NFATC2: variants seen among roughly 807,000 people sequenced by gnomAD.
NFATC2 encodes the protein nuclear factor of activated T-cells, cytoplasmic 2.
Under a neutral mutation model 87.3 loss-of-function variants are expected in NFATC2, and 22 were observed. The observed-to-expected ratio is 0.25, with a 90% CI of 0.18 to 0.36. NFATC2 has a LOEUF of 0.36. Among genes scored for constraint, NFATC2 ranks in the 10% least tolerant of loss-of-function variants. The pLI is 1.00. For missense variants in NFATC2, 1,149 were observed against 1,259.1 expected (o/e 0.91, Z 1.32); for synonymous variants, 565 against 542.2 (o/e 1.04, Z -0.58).
At position 51,425,297 on chromosome 20, in the gene NFATC2, G is replaced by A. The variant is rs149120501; in HGVS notation, c.2722+6770C>T. Among the ~76,000 whole-genome samples, 601 of 152,318 alleles carry A rather than the reference G, an allele frequency of 3.9e-3. 2 individuals carry two copies. Among genetic ancestry groups the A allele is most frequent in the African/African-American group, 0.013 (560 of 41,576 alleles). ...GGACGCTGGCAAAAGCCCTCCCAAC[G>A]GGGGCCTGGCCTTTTATTGGTGTCG... On this transcript the variant is annotated intron_variant, in intron 9 of 10. Transcript: ENST00000371564.
intron 3 of NFATC2, among the ~76,000 whole-genome samples, chr20:51,495,504 G>A (rs2075974016): frequency 6.6e-6 from 1 of 152,258 alleles, no homozygotes; most frequent in South Asian, 2.1e-4. Flanking sequence ...ATGCCCAAGA[G>A]AGAACTTGTT....
At chr20:51,562,786 C>A, upstream of NFATC2, 1 of 607,672 alleles carries the variant, frequency 1.6e-6, no homozygotes, top group Non-Finnish European at 2.8e-6. This position sits in a 1 kb window ranked among gnomAD's most constrained non-coding sequence, Gnocchi z 5.8. Context: ...TCCCGGCTCC[C>A]GGCTCGGCGG....
At position 51,439,705 on chromosome 20, in the gene NFATC2, C is replaced by T. The variant is rs183953930; in HGVS notation, c.1850-3944G>A. Among the ~76,000 whole-genome samples the T allele has an allele frequency of 7.2e-5, 11 of 152,318 alleles. No homozygotes were observed. In the East Asian group the frequency reaches 2.1e-3, roughly 29 times the overall value. On this transcript the variant is annotated intron_variant, in intron 6 of 10. Transcript: ENST00000371564. ...GAGCCTTCCTGGCCATGTCCTGCGG[C>T]CACAACCAACTTCTGTCACCCCAGT...
chr20:51,561,805 C>T (rs2077035769), intron 1 of NFATC2, among the ~76,000 whole-genome samples: 1 of 152,134 alleles, frequency 6.6e-6, no homozygotes, highest in Non-Finnish European at 1.5e-5. Context: ...TATTGTGGAG[C>T]CAAAGCCCCT....
rs575075129 is a variant in NFATC2 at position 51,425,079 on chromosome 20, G to A, written c.2722+6988C>T. ...AAATTGTCTTAAAAGGCTCCTGGCTGGGGGTGGGGGGTTGGTAATAATGAA... is the reference window on the plus strand; with the variant it reads ...AAATTGTCTTAAAAGGCTCCTGGCTAGGGGTGGGGGGTTGGTAATAATGAA... On this transcript the variant is annotated intron_variant, in intron 9 of 10. Coordinates refer to ENST00000371564, the MANE Select transcript of NFATC2 (RefSeq NM_012340.5). Among the ~76,000 whole-genome samples, 14 of 152,214 alleles carry A rather than the reference G, an allele frequency of 9.2e-5. No individual in the cohort carries two copies. The South Asian group carries it at 2.9e-3, about 32-fold the overall frequency.
chr20:51,510,700 C>T (rs2146669518), intron 3 of NFATC2, among the ~76,000 whole-genome samples: 1 of 152,332 alleles, frequency 6.6e-6, no homozygotes, highest in South Asian at 2.1e-4. Flanking sequence ...CAGCGGACTG[C>T]CGCCCTGAAC....
chr20:51,497,127 C>T (rs2076001852), intron 3 of NFATC2, among the ~76,000 whole-genome samples: 1 of 152,180 alleles, frequency 6.6e-6, no homozygotes, highest in South Asian at 2.1e-4. Flanking sequence ...GGGACTAGCA[C>T]CCAGGTTACT....
At position 51,387,729 on chromosome 20, in the gene NFATC2, C is replaced by T. The variant is rs1432511731; in HGVS notation, c.*3767G>A. 1 of 152,148 alleles carries T rather than the reference C, an allele frequency of 6.6e-6. No individual in the cohort carries two copies. The highest frequency in any genetic ancestry group is 2.4e-5 in the African/African-American group (1 of 41,426). The allele number at this position is 152,148 out of a possible 1,614,324, so 9.4% of individuals were successfully genotyped here. The stretch of plus-strand genomic sequence containing the variant: ...TGCGCTGGGTCACCGAGCACCTTGC[C>T]TCCGGGAAACAAGTTCGGGAAAGGT... On this transcript the variant is annotated 3_prime_UTR_variant, in exon 11 of 11. Coordinates refer to ENST00000371564, the MANE Select transcript of NFATC2 (RefSeq NM_012340.5).
At chr20:51,487,615 G>C (rs933537942) in intron 3 of NFATC2, among the ~76,000 whole-genome samples, 1 of 152,212 alleles carries the variant, frequency 6.6e-6, no homozygotes, top group Admixed American at 6.5e-5. Context: ...TACAGCCACA[G>C]CTGAAAAAGA....
chr20:51,514,364 C>A, intron 3 of NFATC2, among the ~76,000 whole-genome samples: 1 of 152,222 alleles, frequency 6.6e-6, no homozygotes, highest in East Asian at 1.9e-4. Flanking sequence ...CAGATTCATT[C>A]TCCAAGTATT....
At chr20:51,535,309 C>T (rs1462467843) in intron 1 of NFATC2, among the ~76,000 whole-genome samples, 1 of 152,216 alleles carries the variant, frequency 6.6e-6, no homozygotes, top group African/African-American at 2.4e-5. Context: ...TCTCTCCGAC[C>T]AGCCACCTCT....
At chr20:51,541,093 C>T (rs2076809157) in intron 1 of NFATC2, among the ~76,000 whole-genome samples, 1 of 152,216 alleles carries the variant, frequency 6.6e-6, no homozygotes, top group South Asian at 2.1e-4. Context: ...GAAGAGGATA[C>T]CCAAAGCTAA....
intron 9 of NFATC2, among the ~76,000 whole-genome samples, chr20:51,426,882 T>C (rs1981914503): frequency 6.6e-6 from 1 of 151,980 alleles, no homozygotes; most frequent in Non-Finnish European, 1.5e-5. Context: ...ACTACTGATT[T>C]CTGAATGTGC....
At position 51,473,781 on chromosome 20, in the gene NFATC2, G is replaced by A. The variant is rs112469893; in HGVS notation, c.1708+199C>T. 2.6e-5 allele frequency among the ~76,000 whole-genome samples: 4 copies of A among 152,336 alleles called. 1 individual carries two copies. Among genetic ancestry groups the A allele is most frequent in the African/African-American group, 7.2e-5 (3 of 41,576 alleles). On this transcript the variant is annotated intron_variant, in intron 5 of 10. Coordinates refer to ENST00000371564, the MANE Select transcript of NFATC2 (RefSeq NM_012340.5). ...TGTGAGGCCACAAAACCTTCCAGAA[G>A]TCAATAGAAGCAGCAAGAGAACACT...
chr20:51,519,221 A>G (rs545454884), intron 2 of NFATC2, among the ~76,000 whole-genome samples: 3 of 152,190 alleles, frequency 2.0e-5, no homozygotes, highest in Non-Finnish European at 4.4e-5. Context: ...CCCTGTATTA[A>G]TATGCTTTAA....
chr20:51,542,811 A>G (rs1317415703), upstream of NFATC2: 2 of 669,322 alleles, frequency 3.0e-6, no homozygotes, highest in Admixed American at 2.0e-4. Flanking sequence ...CGGGGCCGCC[A>G]CCAGGGGACC....
chr20:51,433,079 T>C (rs1983018588), intron 8 of NFATC2, among the ~76,000 whole-genome samples: 1 of 152,154 alleles, frequency 6.6e-6, no homozygotes, highest in African/African-American at 2.4e-5. Context: ...TGATTTCAGA[T>C]GATGCCTCCC....
At chr20:51,441,312 T>C (rs73269941) in intron 6 of NFATC2, among the ~76,000 whole-genome samples, 1 of 151,700 alleles carries the variant, frequency 6.6e-6, no homozygotes, top group African/African-American at 2.4e-5. Context: ...TGATGGAGTT[T>C]TCTCAGCCTG....
chr20:51,436,896 C>T (rs1292319115), intron 6 of NFATC2, among the ~76,000 whole-genome samples: 1 of 152,124 alleles, frequency 6.6e-6, no homozygotes, highest in Non-Finnish European at 1.5e-5. Flanking sequence ...CTTAAAGATG[C>T]GGCCCCAAGT....
Sources: allele counts gnomAD v4.1 joint callset (sites outside exome capture counted in the v4.1 genomes callset), GRCh38; gene constraint gnomAD v4.1.1; non-coding constraint Gnocchi (gnomAD v3.1); transcripts MANE v1.5; gene names NCBI Gene and HGNC (gene_info 2026-07-23, HGNC 2026-07-21).